The following PP2D1 variants were observed in gnomAD, a reference collection of about 807,000 sequenced individuals.
PP2D1 encodes protein phosphatase 2C-like domain-containing protein 1.
A neutral mutation model predicts 30.2 loss-of-function variants in PP2D1; 25 were observed. That is an observed-to-expected ratio of 0.83 (90% CI 0.60 to 1.16). The LOEUF is 1.16. Ranked by LOEUF, PP2D1 falls within the 50% of genes most tolerant of loss-of-function variation. The pLI is 0.00. For missense variants in PP2D1, 760 were observed against 742.4 expected, an observed-to-expected ratio of 1.02 and a Z score of -0.28; for synonymous variants, 260 against 258.9, an observed-to-expected ratio of 1.00 and a Z score of -0.04.
In PP2D1 at chr3:19,987,765, A is replaced by C. The variant is rs538856504; in HGVS notation, c.1091-1583T>G. On this transcript the variant is annotated intron_variant, in intron 2 of 2. Transcript: ENST00000389050. ...TCTCTACTAAAAACACAAAAAAATT[A>C]GTCGGGCGTTGTTGCGGGAAGTCAG... Among the ~76,000 whole-genome samples the C allele has an allele frequency of 1.1e-4, 16 of 152,330 alleles. 1 individual carries two copies. The South Asian group carries it at 3.3e-3, about 32-fold the overall frequency.
chr3:20,001,702 T>A lies in PP2D1; in HGVS notation c.418A>T (p.Lys140Ter), dbSNP rs1575087540. The part of the protein sequence containing the change: ...SINNAFELLW[K>*]KQIPAYYKIF... Reference sequence around the variant, plus strand: ...TTATAGTATGCTGGTATTTGTTTTTTCCAAAGCAGCTCAAAAGCATTATTA... The same window carrying A: ...TTATAGTATGCTGGTATTTGTTTTTACCAAAGCAGCTCAAAAGCATTATTA... The change falls in exon 2 of 3, where the codon AAA becomes TAA. Residue 140 changes from lysine to a stop codon, truncating the protein, a stop_gained. Transcript: ENST00000389050. LOFTEE classifies it high-confidence loss of function. The A allele has an allele frequency of 6.5e-7, 1 of 1,534,048 alleles. No homozygotes were observed. The highest frequency in any genetic ancestry group is 2.4e-5 in the East Asian group (1 of 40,914).
chr3:20,001,658 G>A lies in PP2D1; in HGVS notation c.462C>T (p.Asp154=). 6.5e-7 allele frequency: 1 copy of A among 1,535,960 alleles called. No individual in the cohort carries two copies. Among genetic ancestry groups the A allele is most frequent in the Non-Finnish European group, 8.7e-7 (1 of 1,146,824 alleles). The change falls in exon 2 of 3, where the codon GAC becomes GAT. Residue 154 remains aspartate (D), a synonymous_variant. Coordinates refer to ENST00000389050, the MANE Select transcript of PP2D1 (RefSeq NM_001252657.2). ...TTTTTTGAGAATATATGACACTCCT[G>A]TCAATGTTATCAAAAATCTTATAGT... is the stretch of plus-strand genomic sequence containing the variant. ...PAYYKIFDNI[D]RSVIYSQKIC...
In PP2D1 at chr3:19,985,400, C is replaced by T; in HGVS notation, c.1873G>A (p.Glu625Lys). 6.5e-7 allele frequency: 1 copy of T among 1,529,984 alleles called. No homozygotes were observed. Among genetic ancestry groups the T allele is most frequent in the Non-Finnish European group, 8.7e-7 (1 of 1,143,618 alleles). The allele number at this position is 1,529,984 out of a possible 1,614,324, so 94.8% of individuals were successfully genotyped here. ...TVMVIFLNGSEYQLLT is the reference protein window; with the variant it reads ...TVMVIFLNGSKYQLLT ...TTTTTTTATGTCAGAAGCTGATATTCACTTCCATTGAGAAATATTACCATA... is the reference window on the plus strand; with the variant it reads ...TTTTTTTATGTCAGAAGCTGATATTTACTTCCATTGAGAAATATTACCATA... The change falls in exon 3 of 3, where the codon GAA becomes AAA. Residue 625 changes from glutamate to lysine, a missense_variant. Physicochemically the swap from Glu to Lys is moderately conservative, Grantham distance 56 (BLOSUM62 1). This residue lies in a region of PP2D1 where 369 missense variants were observed against 316.2 expected (regional missense o/e 1.17). Transcript: ENST00000389050.
chr3:20,002,986 C>T lies in PP2D1; in HGVS notation c.24-890G>A, dbSNP rs137954079. On this transcript the variant is annotated intron_variant, in intron 1 of 2. Coordinates refer to ENST00000389050, the MANE Select transcript of PP2D1 (RefSeq NM_001252657.2). ...AGGAGAATTGCTTGAACCTGGGAGACGGAGGTTGCAGTGAGCCGAGATGGT... is the reference window on the plus strand; with the variant it reads ...AGGAGAATTGCTTGAACCTGGGAGATGGAGGTTGCAGTGAGCCGAGATGGT... Among the ~76,000 whole-genome samples the T allele has an allele frequency of 3.0e-4, 45 of 151,610 alleles. 2 individuals carry two copies. In the East Asian group the frequency reaches 6.6e-3, roughly 22 times the overall value.
chr3:19,992,808 A>C (rs1697134020), intron 2 of PP2D1, among the ~76,000 whole-genome samples: 1 of 152,174 alleles, frequency 6.6e-6, no homozygotes, highest in African/African-American at 2.4e-5. Flanking sequence ...CAGATTTTGA[A>C]GATTAGATGA....
chr3:19,985,500 T>TG lies in PP2D1; in HGVS notation c.1772_1773insC (p.Glu591AspfsTer5). On this transcript the variant is annotated frameshift_variant, in exon 3 of 3. Transcript: ENST00000389050. LOFTEE classifies it high-confidence loss of function. The stretch of plus-strand genomic sequence containing the variant: ...CATGGCTAACATACTCAGCTGCGCC[T>TG]TCATAGAAACTCTTAGTGTCTGATT... 1 of 1,536,104 alleles carries TG rather than the reference T, an allele frequency of 6.5e-7. No homozygotes were observed. Among genetic ancestry groups the TG allele is most frequent in the Non-Finnish European group, 8.7e-7 (1 of 1,146,856 alleles).
intron 2 of PP2D1, among the ~76,000 whole-genome samples, chr3:19,989,585 G>T (rs1697089068): frequency 6.6e-6 from 1 of 152,188 alleles, no homozygotes; most frequent in Non-Finnish European, 1.5e-5. Context: ...ACATAAGTCA[G>T]TAAAATCTTG....
intron 1 of PP2D1, among the ~76,000 whole-genome samples, chr3:20,007,085 C>A (rs1697328295): frequency 6.6e-6 from 1 of 151,848 alleles, no homozygotes; most frequent in South Asian, 2.1e-4. Context: ...TTGGCCCAGG[C>A]TCGTCTTGAA....
At chr3:19,999,545 ATT>A (rs35816290) in intron 2 of PP2D1, among the ~76,000 whole-genome samples, 59 of 139,536 alleles carry the variant, frequency 4.2e-4, no homozygotes, top group Admixed American at 1.4e-3. Context: ...CGCCTGGCTA[ATT>A]TTTTTTTTTT....
intron 1 of PP2D1, among the ~76,000 whole-genome samples, chr3:20,004,481 T>G (rs1697294371): frequency 6.6e-6 from 1 of 152,072 alleles, no homozygotes; most frequent in South Asian, 2.1e-4. Context: ...AATTAGAGAG[T>G]TCACAAGAAA....
downstream of PP2D1, chr3:19,983,802 G>C: frequency 1.9e-6 from 3 of 1,607,410 alleles, no homozygotes; most frequent in East Asian, 4.5e-5. Flanking sequence ...AACCAACCAG[G>C]AATCAGTGTT....
chr3:19,991,676 CTAAG>C (rs1456745731), intron 2 of PP2D1, among the ~76,000 whole-genome samples: 1 of 152,108 alleles, frequency 6.6e-6, no homozygotes, highest in Non-Finnish European at 1.5e-5. Context: ...CTTTATTTCA[CTAAG>C]TAACAGGTTT....
intron 2 of PP2D1, among the ~76,000 whole-genome samples, chr3:19,988,327 C>T (rs182614100): frequency 1.1e-3 from 171 of 152,228 alleles, no homozygotes; most frequent in Non-Finnish European, 2.0e-3. Flanking sequence ...CTGAAATGGC[C>T]TCTCTGGGAA....
At chr3:20,007,911 A>G in intron 1 of PP2D1, 1 of 222,912 alleles carries the variant, frequency 4.5e-6, no homozygotes, top group East Asian at 1.1e-4. Context: ...TGCAGGGGTC[A>G]TGGAATCACC....
At chr3:19,997,852 T>C (rs1697201639) in intron 2 of PP2D1, among the ~76,000 whole-genome samples, 1 of 151,792 alleles carries the variant, frequency 6.6e-6, no homozygotes, top group Non-Finnish European at 1.5e-5. Context: ...TTACCAAAGA[T>C]TGGGAAAGGT....
rs1373673461 is a variant in PP2D1 at position 19,986,145 on chromosome 3, A to G, written c.1128T>C (p.Gly376=). The G allele has an allele frequency of 1.3e-6, 2 of 1,521,630 alleles. No homozygotes were observed. Among genetic ancestry groups the G allele is most frequent in the South Asian group, 2.5e-5 (2 of 80,722 alleles). The allele number at this position is 1,521,630 out of a possible 1,614,324, so 94.3% of individuals were successfully genotyped here. ...VQAVLCRNGK[G]FCLTKEHTTR... ...TAGTATGTTCTTTGGTTAGGCAAAA[A>G]CCTTTCCCATTTCTGCATAAGACTG... Residue 376 remains glycine (G), a synonymous_variant, in exon 3 of 3, where the codon GGT becomes GGC. Coordinates refer to ENST00000389050, the MANE Select transcript of PP2D1 (RefSeq NM_001252657.2).
At chr3:19,985,175 A>C, downstream of PP2D1, 2 of 503,336 alleles carry the variant, frequency 4.0e-6, no homozygotes, top group Non-Finnish European at 6.9e-6. Flanking sequence ...ATAAAAAGCA[A>C]GTATCGGCTT....
At chr3:19,987,669 G>C (rs1377918803) in intron 2 of PP2D1, among the ~76,000 whole-genome samples, 6 of 152,166 alleles carry the variant, frequency 3.9e-5, no homozygotes, top group Non-Finnish European at 1.5e-5. Flanking sequence ...CCACTCTTTG[G>C]GAGGCTGAGG....
chr3:19,986,112 G>A lies in PP2D1; in HGVS notation c.1161C>T (p.Asn387=), dbSNP rs758632973. ...GAAGTATTCTTCTTCTTTCATTTGT[G>A]TTTCGTGTAGTATGTTCTTTGGTTA... ...FCLTKEHTTR[N]TNERRRILQN... The change falls in exon 3 of 3, where the codon AAC becomes AAT. Residue 387 remains asparagine (N), a synonymous_variant. Transcript: ENST00000389050. 2.6e-6 allele frequency: 4 copies of A among 1,535,604 alleles called. No individual in the cohort carries two copies. The highest frequency in any genetic ancestry group is 3.5e-6 in the Non-Finnish European group (4 of 1,146,768).
Sources: allele counts gnomAD v4.1 joint callset (sites outside exome capture counted in the v4.1 genomes callset), GRCh38; gene constraint gnomAD v4.1.1; regional missense constraint gnomAD v4.1.1; transcripts MANE v1.5; gene names NCBI Gene and HGNC (gene_info 2026-07-23, HGNC 2026-07-21).